CCDC92: variants seen among roughly 807,000 people sequenced by gnomAD.
CCDC92 encodes the protein coiled-coil domain containing 92.
CCDC92 carries 12 observed loss-of-function variants against 24.9 expected under a neutral mutation model. The ratio of observed to expected loss-of-function variants is 0.48; its 90% CI spans 0.31 to 0.78. The LOEUF is 0.78. Ranked by LOEUF, CCDC92 falls within the 30% of genes least tolerant of loss-of-function variation. The pLI, the probability that CCDC92 is intolerant of heterozygous loss-of-function variation, is 0.05. For missense variants in CCDC92, 399 were observed against 439.4 expected (o/e 0.91, Z 0.82); for synonymous variants, 193 against 196.3 (o/e 0.98, Z 0.14).
intron 1 of CCDC92, among the ~76,000 whole-genome samples, chr12:123,959,308 G>A (rs1050849673): frequency 3.3e-5 from 5 of 152,054 alleles, no homozygotes; most frequent in Non-Finnish European, 1.5e-5. Context: ...CCAAATGTCT[G>A]ACTGCCAGGC....
At chr12:123,960,316 C>T (rs1321456697) in intron 1 of CCDC92, among the ~76,000 whole-genome samples, 1 of 152,112 alleles carries the variant, frequency 6.6e-6, no homozygotes, top group Non-Finnish European at 1.5e-5. Context: ...CATCAGAGGG[C>T]TTGGAAAAAT....
intron 1 of CCDC92, chr12:123,961,305 T>C (rs1956267001): frequency 1.3e-5 from 2 of 152,190 alleles, no homozygotes; most frequent in Admixed American, 6.5e-5. Flanking sequence ...AGGTACCTAA[T>C]AAATGAGTGA....
intron 1 of CCDC92, among the ~76,000 whole-genome samples, chr12:123,966,994 C>T (rs1157160233): frequency 6.6e-6 from 1 of 152,114 alleles, no homozygotes; most frequent in Non-Finnish European, 1.5e-5. Flanking sequence ...CCTGCCTTTG[C>T]CCTCAAACAA....
At chr12:123,967,943 T>C (rs1164355637) in intron 1 of CCDC92, 1 of 152,240 alleles carries the variant, frequency 6.6e-6, no homozygotes, top group African/African-American at 2.4e-5. Context: ...CAAAGGATAA[T>C]GGATTTTATG....
chr12:123,944,057 G>C, intron 2 of CCDC92: 1 of 529,400 alleles, frequency 1.9e-6, no homozygotes, highest in Non-Finnish European at 3.3e-6. Context: ...TCTGGAGCCA[G>C]CCAAAGTAGG....
Position 123,969,475 on chromosome 12 carries a change from T to G in CCDC92, c.-60+3054A>C, listed in dbSNP as rs980710362. Among the ~76,000 whole-genome samples, 3 of 143,614 alleles carry G rather than the reference T, an allele frequency of 2.1e-5. No homozygotes were observed. The East Asian group carries it at 6.0e-4, about 29-fold the overall frequency. 94.2% of individuals were successfully genotyped at this position (143,614 alleles called of 152,430 possible). On this transcript the variant is annotated intron_variant, in intron 1 of 4. Transcript: ENST00000238156. ...TCTCTTATTCAGTTTTTTTTTTTTT[T>G]TTTTTTTTTTTTGAGACGGAGTCTC... is the stretch of plus-strand genomic sequence containing the variant.
At chr12:123,966,223 G>A (rs908044033) in intron 1 of CCDC92, 6 of 152,146 alleles carry the variant, frequency 3.9e-5, no homozygotes, top group African/African-American at 7.2e-5. Context: ...ACAATCAGAA[G>A]AGGTGGTAAA....
At chr12:123,941,013 A>AGGTGGGTG (rs915790744) in intron 4 of CCDC92, among the ~76,000 whole-genome samples, 1 of 2,230 alleles carries the variant, frequency 4.5e-4, no homozygotes, top group Admixed American at 7.5e-3. Context: ...GTACTACATC[A>AGGTGGGTG]GGTGGGTGGG....
chr12:123,950,629 G>A (rs1398503066), intron 1 of CCDC92, among the ~76,000 whole-genome samples: 1 of 152,132 alleles, frequency 6.6e-6, no homozygotes, highest in Non-Finnish European at 1.5e-5. Context: ...CCAGGGCCAG[G>A]GGCAGACTCA....
rs1293472813 is a variant in CCDC92 at position 123,937,199 on chromosome 12, G to T, written c.855C>A (p.His285Gln). 6.2e-7 allele frequency: 1 copy of T among 1,609,770 alleles called. No individual in the cohort carries two copies. Among genetic ancestry groups the T allele is most frequent in the Non-Finnish European group, 8.5e-7 (1 of 1,179,526 alleles). The change falls in exon 5 of 5, where the codon CAC becomes CAA. Residue 285 changes from histidine (H) to glutamine (Q), a missense_variant. By Grantham distance (24) the His-to-Gln change is conservative. Coordinates refer to ENST00000238156, the MANE Select transcript of CCDC92 (RefSeq NM_025140.3). The surrounding 1 kb of genome is among the most constrained non-coding windows in gnomAD (Gnocchi z 8.4). ...GATGTGCCACCCCGACGTGGGCCTT[G>T]TGCGGCTTTTCGCGGGCCGGGCTGT... The part of the protein sequence containing the change: ...EQHSPAREKP[H>Q]KAHVGVAHRI...
At chr12:123,943,611 C>T (rs778437346) in intron 2 of CCDC92, 118 bp from the exon 3 acceptor site, 98 of 1,130,718 alleles carry the variant, frequency 8.7e-5, no homozygotes, top group Non-Finnish European at 1.2e-4. Context: ...AAGGAAACCA[C>T]GGCTCCTGAA....
At chr12:123,943,595 G>A in intron 2 of CCDC92, 102 bp from the exon 3 acceptor site, 1 of 1,312,138 alleles carries the variant, frequency 7.6e-7, no homozygotes, top group Non-Finnish European at 1.1e-6. Flanking sequence ...TCCCAGGAGA[G>A]AGCAGAAGGA....
At chr12:123,943,519 C>T (rs369764104) in intron 2 of CCDC92, 26 bp from the exon 3 acceptor site, 1,110 of 1,613,032 alleles carry the variant, frequency 6.9e-4, no homozygotes, top group Non-Finnish European at 8.5e-4. Context: ...ACCCTGGCTG[C>T]GGTGCCTGAA....
chr12:123,946,955 A>G (rs1955887226), intron 1 of CCDC92, among the ~76,000 whole-genome samples: 1 of 151,968 alleles, frequency 6.6e-6, no homozygotes, highest in Admixed American at 6.5e-5. Flanking sequence ...GGAGAGGCGC[A>G]AGCAGAACCG....
intron 1 of CCDC92, chr12:123,962,853 T>G (rs970279286): frequency 6.6e-6 from 1 of 152,244 alleles, no homozygotes; most frequent in South Asian, 2.1e-4. Context: ...GATATAGGTT[T>G]TTTTTTAAAA....
chr12:123,942,085 CA>C (rs1955702020), intron 4 of CCDC92, among the ~76,000 whole-genome samples: 1 of 152,218 alleles, frequency 6.6e-6, no homozygotes. Flanking sequence ...CAGCACTTTC[CA>C]AACACCCACC....
chr12:123,941,239 C>T (rs1330251081), intron 4 of CCDC92, among the ~76,000 whole-genome samples: 1 of 152,198 alleles, frequency 6.6e-6, no homozygotes, highest in Non-Finnish European at 1.5e-5. Flanking sequence ...TCCTGTTCCT[C>T]TGCATTCCCA....
intron 1 of CCDC92, among the ~76,000 whole-genome samples, chr12:123,953,393 T>C (rs1053944898): frequency 6.6e-6 from 1 of 151,512 alleles, no homozygotes; most frequent in African/African-American, 2.4e-5. Context: ...AATATGTCTA[T>C]GATAGGTTAA....
chr12:123,943,353 A>C lies in CCDC92; in HGVS notation c.175T>G (p.Cys59Gly). 1 of 1,612,982 alleles carries C rather than the reference A, an allele frequency of 6.2e-7. No individual in the cohort carries two copies. Among genetic ancestry groups the C allele is most frequent in the Non-Finnish European group, 8.5e-7 (1 of 1,179,978 alleles). ...HSEIRRLQQHCTDLTYELTVK... is the reference protein window; with the variant it reads ...HSEIRRLQQHGTDLTYELTVK... ...GGCCTGCTCCCCGATGTACCTGTGC[A>C]GTGCTGCTGCAGCCGCCTGATCTCG... The change falls in exon 3 of 5, where the codon TGC becomes GGC. Residue 59 changes from cysteine (C) to glycine (G), a missense_variant. Coordinates refer to ENST00000238156, the MANE Select transcript of CCDC92 (RefSeq NM_025140.3).
Sources: gnomAD v4.1 joint callset for allele counts (sites outside exome capture counted in the v4.1 genomes callset) on GRCh38, gnomAD v4.1.1 for gene constraint, Gnocchi (gnomAD v3.1) non-coding constraint, MANE v1.5 for transcripts, NCBI Gene and HGNC (gene_info 2026-07-23, HGNC 2026-07-21) for gene names.